DGKE: variants seen among roughly 807,000 people sequenced by gnomAD.
DGKE encodes the protein diacylglycerol kinase epsilon.
A neutral mutation model predicts 70.0 loss-of-function variants in DGKE; 53 were observed. The observed-to-expected ratio is 0.76, with a 90% CI of 0.61 to 0.95. DGKE has a LOEUF of 0.95. Among genes scored for constraint, DGKE ranks in the 40% least tolerant of loss-of-function variants. The probability of loss-of-function intolerance (pLI) is 0.00; values close to 1 mark genes in which losing one functional copy is unlikely to be tolerated. For synonymous variants in DGKE, 291 were observed against 257.0 expected, an observed-to-expected ratio of 1.13 and a Z score of -1.27; for missense variants, 655 against 706.9, an observed-to-expected ratio of 0.93 and a Z score of 0.83.
chr17:56,852,488 C>T (rs933059796), intron 7 of DGKE, among the ~76,000 whole-genome samples: 6 of 151,402 alleles, frequency 4.0e-5, no homozygotes, highest in East Asian at 3.9e-4. Context: ...GAAGAAACTA[C>T]GGAAAGAGCT....
chr17:56,859,960 C>T (rs1908194655), intron 9 of DGKE, among the ~76,000 whole-genome samples: 1 of 152,068 alleles, frequency 6.6e-6, no homozygotes, highest in Non-Finnish European at 1.5e-5. Context: ...GCTGCCATGG[C>T]GTAGAAGTAA....
chr17:56,834,379 A>G, intron 1 of DGKE, 119 bp downstream of exon 1: 1 of 169,876 alleles, frequency 5.9e-6, no homozygotes, highest in Non-Finnish European at 1.2e-5. Context: ...CCCGGAGGGG[A>G]GTGCGAGGCC....
intron 2 of DGKE, among the ~76,000 whole-genome samples, chr17:56,842,594 A>G (rs1176052667): frequency 6.6e-6 from 1 of 152,244 alleles, no homozygotes; most frequent in Non-Finnish European, 1.5e-5. Context: ...TCTGTAACAG[A>G]TTATGCAGAG....
At chr17:56,847,246 T>TAAGATATG (rs1346353583) in intron 4 of DGKE, 5 of 151,936 alleles carry the variant, frequency 3.3e-5, no homozygotes, top group Non-Finnish European at 7.4e-5. Context: ...TAAGCCAGTA[T>TAAGATATG]AAGATATGAA....
intron 7 of DGKE, among the ~76,000 whole-genome samples, chr17:56,850,487 A>T (rs1373955469): frequency 6.6e-6 from 1 of 152,244 alleles, no homozygotes; most frequent in Non-Finnish European, 1.5e-5. Flanking sequence ...AAGAGAGGCC[A>T]CTAAAGGAGA....
chr17:56,845,731 C>T lies in DGKE; in HGVS notation c.666C>T (p.Ile222=), dbSNP rs760863437. 31 of 1,612,286 alleles carry T rather than the reference C, an allele frequency of 1.9e-5. No homozygotes were observed. Among genetic ancestry groups the T allele is most frequent in the Non-Finnish European group, 2.5e-5 (29 of 1,179,146 alleles). Reference sequence around the variant, plus strand: ...GAAAGCAGTGGACCCCATTAATAATCCTGGCCAACTCTCGTAGTGGAACTA... The same window carrying T: ...GAAAGCAGTGGACCCCATTAATAATTCTGGCCAACTCTCGTAGTGGAACTA... ...KLGKQWTPLI[I]LANSRSGTNM... Residue 222 remains isoleucine (I), a synonymous_variant, in exon 4 of 12, where the codon ATC becomes ATT. Transcript: ENST00000284061.
At position 56,848,695 on chromosome 17, in the gene DGKE, G is replaced by A. The variant is rs312262696; in HGVS notation, c.889-1G>A. 6.2e-7 allele frequency: 1 copy of A among 1,613,326 alleles called. No individual in the cohort carries two copies. The highest frequency in any genetic ancestry group is 8.5e-7 in the Non-Finnish European group (1 of 1,179,628). On this transcript the variant is annotated splice_acceptor_variant, in intron 5 of 11. Coordinates refer to ENST00000284061, the MANE Select transcript of DGKE (RefSeq NM_003647.3). LOFTEE classifies it high-confidence loss of function. The stretch of plus-strand genomic sequence containing the variant: ...TCTAAAACATATCTTCCATATTCTA[G>A]GGACAAGAAAAGTACATTCCACAAG...
intron 7 of DGKE, among the ~76,000 whole-genome samples, chr17:56,855,192 G>GT (rs35479127): frequency 0.7 from 105,208 of 149,410 alleles, 37,270 homozygotes; most frequent in East Asian, 0.91. Context: ...GTGTTTATGG[G>GT]TTTTTTTTTT....
chr17:56,856,465 C>T (rs1347536167), intron 7 of DGKE, 47 bp from the exon 8 acceptor site: 1 of 1,564,540 alleles, frequency 6.4e-7, no homozygotes, highest in Admixed American at 1.9e-5. Flanking sequence ...ATGACTCAAG[C>T]TTAGGTGGAA....
At chr17:56,847,846 A>C (rs1023215846) in intron 4 of DGKE, 76 bp from the exon 5 acceptor site, 2 of 1,124,234 alleles carry the variant, frequency 1.8e-6, no homozygotes, top group African/African-American at 1.6e-5. Context: ...ATCTCTACTC[A>C]TCTAGAGGGA....
At position 56,869,444 on chromosome 17, in the gene DGKE, T is replaced by G. The variant is rs1208366972; in HGVS notation, c.*6653T>G. 6.6e-6 allele frequency: 1 copy of G among 152,276 alleles called. No individual in the cohort carries two copies. Among genetic ancestry groups the G allele is most frequent in the African/African-American group, 2.4e-5 (1 of 41,464 alleles). 9.4% of individuals were successfully genotyped at this position (152,276 alleles called of 1,614,324 possible). A position where few individuals can be genotyped will look rare whatever the true frequency, so the allele number is the denominator to read the frequency against. ...GATCTGAAAAATGTACTGTGGCATG[T>G]AACATCTTTTATTCATTTTATTAGG... is the stretch of plus-strand genomic sequence containing the variant. On this transcript the variant is annotated 3_prime_UTR_variant, in exon 12 of 12. Transcript: ENST00000284061.
rs997360976 is a variant in DGKE, at chr17:56,866,985, C to T, written c.*4194C>T. 1.3e-5 allele frequency: 2 copies of T among 152,136 alleles called. No individual in the cohort carries two copies. Among genetic ancestry groups the T allele is most frequent in the African/African-American group, 4.8e-5 (2 of 41,414 alleles). The allele number at this position is 152,136 out of a possible 1,614,324, so 9.4% of individuals were successfully genotyped here. A position where few individuals can be genotyped will look rare whatever the true frequency, so the allele number is the denominator to read the frequency against. On this transcript the variant is annotated 3_prime_UTR_variant, in exon 12 of 12. Coordinates refer to ENST00000284061, the MANE Select transcript of DGKE (RefSeq NM_003647.3). ...TTAGAATGTGGCCACTTGGCTGTTT[C>T]ACAGTTTTTAAAGCTATTTTATTGA...
chr17:56,855,143 G>A (rs781760906), intron 7 of DGKE, among the ~76,000 whole-genome samples: 2 of 151,254 alleles, frequency 1.3e-5, no homozygotes, highest in Non-Finnish European at 2.9e-5. Flanking sequence ...AAAAATAAAG[G>A]CAAATTAATG....
rs1907396504 is a variant in DGKE at position 56,847,912 on chromosome 17, T to C, written c.745-10T>C. ...GATAAAAATAATTTGTCTTTTTCTTTTGTTTCTAGGTTTTTGATGTAACTA... is the reference window on the plus strand; with the variant it reads ...GATAAAAATAATTTGTCTTTTTCTTCTGTTTCTAGGTTTTTGATGTAACTA... On this transcript the variant is annotated splice_polypyrimidine_tract_variant and intron_variant, in intron 4 of 11. Coordinates refer to ENST00000284061, the MANE Select transcript of DGKE (RefSeq NM_003647.3). 1.3e-6 allele frequency: 2 copies of C among 1,533,858 alleles called. No homozygotes were observed. Among genetic ancestry groups the C allele is most frequent in the Non-Finnish European group, 1.8e-6 (2 of 1,142,436 alleles).
At chr17:56,860,084 T>C (rs1908202438) in intron 9 of DGKE, among the ~76,000 whole-genome samples, 2 of 152,284 alleles carry the variant, frequency 1.3e-5, no homozygotes, top group African/African-American at 4.8e-5. Context: ...TTTATTTTAT[T>C]GTCTGACATT....
intron 2 of DGKE, among the ~76,000 whole-genome samples, chr17:56,840,696 G>C (rs1906922878): frequency 6.6e-6 from 1 of 152,142 alleles, no homozygotes; most frequent in Non-Finnish European, 1.5e-5. Flanking sequence ...GGATGGAAAA[G>C]CCCGACACTT....
chr17:56,845,130 G>A (rs1269923150), intron 3 of DGKE, among the ~76,000 whole-genome samples: 1 of 152,124 alleles, frequency 6.6e-6, no homozygotes, highest in East Asian at 1.9e-4. Context: ...CATCTACAAG[G>A]AGAGGGGAAG....
At chr17:56,834,424 C>G (rs903218778) in intron 1 of DGKE, among the ~76,000 whole-genome samples, 164 bp downstream of exon 1, 1 of 152,242 alleles carries the variant, frequency 6.6e-6, no homozygotes, top group African/African-American at 2.4e-5. Context: ...CCGGCGTTGC[C>G]TGGCCTGAAC....
intron 4 of DGKE, 39 bp downstream of exon 4, chr17:56,845,848 T>C (rs1907253890): frequency 1.3e-6 from 2 of 1,547,966 alleles, no homozygotes; most frequent in African/African-American, 1.4e-5. Flanking sequence ...AATGTTTTCA[T>C]TTTCCCCAAA....
Sources: gnomAD v4.1 joint callset for allele counts (sites outside exome capture counted in the v4.1 genomes callset) on GRCh38, gnomAD v4.1.1 for gene constraint, MANE v1.5 for transcripts, NCBI Gene and HGNC (gene_info 2026-07-23, HGNC 2026-07-21) for gene names.